Variants in CADPS observed in about 807,000 individuals in gnomAD.
The protein encoded by CADPS is calcium dependent secretion activator.
CADPS carries 57 observed loss-of-function variants against 167.3 expected under a neutral mutation model. The ratio of observed to expected loss-of-function variants is 0.34; its 90% CI spans 0.28 to 0.42. CADPS has a LOEUF of 0.42. Among genes scored for constraint, CADPS ranks in the 20% least tolerant of loss-of-function variants. The pLI is 1.00. For missense variants in CADPS, 1,414 were observed against 1,738.1 expected, an observed-to-expected ratio of 0.81 and a Z score of 3.32; for synonymous variants, 676 against 635.3, an observed-to-expected ratio of 1.06 and a Z score of -0.96.
intron 7 of CADPS, among the ~76,000 whole-genome samples, chr3:62,591,120 T>A (rs897623168): frequency 1.3e-5 from 2 of 152,110 alleles, no homozygotes; most frequent in Non-Finnish European, 2.9e-5. Flanking sequence ...GGCCTCCTAA[T>A]GTGCTGGGGT....
chr3:62,767,017 G>A (rs1040173627), intron 1 of CADPS, among the ~76,000 whole-genome samples: 1 of 152,140 alleles, frequency 6.6e-6, no homozygotes, highest in African/African-American at 2.4e-5. Context: ...AATGAATGGA[G>A]TGTATGCAAG....
intron 17 of CADPS, among the ~76,000 whole-genome samples, chr3:62,505,744 T>C (rs2066563657): frequency 6.6e-6 from 1 of 152,206 alleles, no homozygotes; most frequent in African/African-American, 2.4e-5. Context: ...TGTCGATGCT[T>C]CTACTTGAGC....
intron 1 of CADPS, among the ~76,000 whole-genome samples, chr3:62,868,503 C>T (rs1301921742): frequency 6.6e-6 from 1 of 151,804 alleles, no homozygotes; most frequent in Non-Finnish European, 1.5e-5. Flanking sequence ...AGCCAGAAAT[C>T]CAGATTTTTT....
intron 2 of CADPS, among the ~76,000 whole-genome samples, chr3:62,763,811 C>T (rs963841539): frequency 1.3e-5 from 2 of 152,178 alleles, no homozygotes; most frequent in South Asian, 4.1e-4. Flanking sequence ...ATCATTAATA[C>T]CCCACATCCT....
chr3:62,824,735 G>C (rs952895393), intron 1 of CADPS, among the ~76,000 whole-genome samples: 1 of 152,022 alleles, frequency 6.6e-6, no homozygotes, highest in African/African-American at 2.4e-5. Flanking sequence ...CTTCCATTAC[G>C]AACTGCTGTG....
rs190225453 is a variant in CADPS, at chr3:62,522,429, G to T, written c.2292-4179C>A. Among the ~76,000 whole-genome samples the T allele has an allele frequency of 1.9e-4, 29 of 152,204 alleles. No individual in the cohort carries two copies. The East Asian group carries it at 5.6e-3, about 30-fold the overall frequency. On this transcript the variant is annotated intron_variant, in intron 13 of 29. Transcript: ENST00000383710. ...GCTGGCATTACAGGCATGAGCCACT[G>T]GACCCAGCCTGACACTGGCATTTTT...
rs188410867 is a variant in CADPS at position 62,710,882 on chromosome 3, C to T, written c.888+42559G>A. On this transcript the variant is annotated intron_variant, in intron 3 of 29. Coordinates refer to ENST00000383710, the MANE Select transcript of CADPS (RefSeq NM_003716.4). ...GAGCTTATTATCGCTGCCTCCTCCC[C>T]GTGCTTATCATTTCTTTTAATTCCT... Among the ~76,000 whole-genome samples, 726 of 152,268 alleles carry T rather than the reference C, an allele frequency of 4.8e-3. 6 individuals carry two copies. Among genetic ancestry groups the T allele is most frequent in the African/African-American group, 0.017 (696 of 41,556 alleles).
At chr3:62,736,676 TA>T (rs2079043759) in intron 3 of CADPS, among the ~76,000 whole-genome samples, 1 of 152,218 alleles carries the variant, frequency 6.6e-6, no homozygotes, top group African/African-American at 2.4e-5. Flanking sequence ...TAAAAGAAGT[TA>T]GACTGAATTA....
At chr3:62,819,194 A>G (rs1036057052) in intron 1 of CADPS, among the ~76,000 whole-genome samples, 4 of 152,188 alleles carry the variant, frequency 2.6e-5, no homozygotes, top group Admixed American at 2.6e-4. Context: ...ATTCTTCAAT[A>G]AAGTAAAATT....
At chr3:62,681,555 A>G (rs976135878) in intron 3 of CADPS, among the ~76,000 whole-genome samples, 1 of 152,078 alleles carries the variant, frequency 6.6e-6, no homozygotes, top group Non-Finnish European at 1.5e-5. Flanking sequence ...GTACACATCT[A>G]ATCCTCCTAC....
At position 62,732,986 on chromosome 3, in the gene CADPS, A is replaced by T. The variant is rs10490887; in HGVS notation, c.888+20455T>A. Reference sequence around the variant, plus strand: ...GTGCAAGACTATTTTGACCTACAATAGTCGATGGCTTTTCTCTTATGCTCC... The same window carrying T: ...GTGCAAGACTATTTTGACCTACAATTGTCGATGGCTTTTCTCTTATGCTCC... On this transcript the variant is annotated intron_variant, in intron 3 of 29. Coordinates refer to ENST00000383710, the MANE Select transcript of CADPS (RefSeq NM_003716.4). Among the ~76,000 whole-genome samples, 462 of 152,284 alleles carry T rather than the reference A, an allele frequency of 3.0e-3. 2 individuals carry two copies. Among genetic ancestry groups the T allele is most frequent in the African/African-American group, 0.01 (428 of 41,564 alleles).
chr3:62,438,258 T>C lies in CADPS; in HGVS notation c.3670-47A>G. 1 of 1,376,036 alleles carries C rather than the reference T, an allele frequency of 7.3e-7. No homozygotes were observed. The highest frequency in any genetic ancestry group is 1.0e-6 in the Non-Finnish European group (1 of 964,622). The allele number at this position is 1,376,036 out of a possible 1,614,324, so 85.2% of individuals were successfully genotyped here. A position where few individuals can be genotyped will look rare whatever the true frequency, so the allele number is the denominator to read the frequency against. The stretch of plus-strand genomic sequence containing the variant: ...TGAAAACGAATTTTCAGACAGCCAC[T>C]CTTCCTTGTTTACCATTCACTTGTA... On this transcript the variant is annotated intron_variant, in intron 27 of 29. Transcript: ENST00000383710. This position sits in a 1 kb window ranked among gnomAD's most constrained non-coding sequence, Gnocchi z 4.7.
At chr3:62,559,276 A>G (rs2078726057) in intron 9 of CADPS, among the ~76,000 whole-genome samples, 1 of 152,170 alleles carries the variant, frequency 6.6e-6, no homozygotes, top group African/African-American at 2.4e-5. Flanking sequence ...TCATAAGCAA[A>G]ATCTGCCATA....
chr3:62,862,991 C>G (rs2081078465), intron 1 of CADPS, among the ~76,000 whole-genome samples: 1 of 152,328 alleles, frequency 6.6e-6, no homozygotes, highest in East Asian at 1.9e-4. Context: ...GAGATAATCT[C>G]AGTGGATAGG....
chr3:62,780,067 G>GT lies in CADPS; in HGVS notation c.442-14084dup, dbSNP rs924322321. Among the ~76,000 whole-genome samples, 14 of 151,396 alleles carry GT rather than the reference G, an allele frequency of 9.2e-5. No homozygotes were observed. In the East Asian group the frequency reaches 9.7e-4, roughly 10 times the overall value. ...AGTTTATGGTACTTTATTTCATAGG[G>GT]TTTTTTTTTCTTCCAGGCTGGTCTC... On this transcript the variant is annotated intron_variant, in intron 1 of 29. Transcript: ENST00000383710.
chr3:62,537,212 T>C (rs1054996023), intron 11 of CADPS, among the ~76,000 whole-genome samples: 3 of 152,172 alleles, frequency 2.0e-5, no homozygotes, highest in African/African-American at 7.2e-5. Context: ...GACATTTCCT[T>C]ATAGTGTGCT....
At chr3:62,491,235 T>C in intron 21 of CADPS, 104 bp downstream of exon 21, 1 of 1,229,276 alleles carries the variant, frequency 8.1e-7, no homozygotes, top group Non-Finnish European at 1.2e-6. Flanking sequence ...TTTCTCTCTG[T>C]CCACAATAAC....
chr3:62,759,385 A>G (rs2084803235), intron 2 of CADPS, among the ~76,000 whole-genome samples: 3 of 152,200 alleles, frequency 2.0e-5, no homozygotes, highest in Admixed American at 2.0e-4. Context: ...GCAGCCATGA[A>G]AAAAGATATA....
At chr3:62,560,885 C>T (rs992187034) in intron 9 of CADPS, among the ~76,000 whole-genome samples, 3 of 151,960 alleles carry the variant, frequency 2.0e-5, no homozygotes, top group Admixed American at 1.3e-4. Flanking sequence ...TTGAGACCAG[C>T]CTGGCTAACA....
Sources: allele counts gnomAD v4.1 joint callset (sites outside exome capture counted in the v4.1 genomes callset), GRCh38; gene constraint gnomAD v4.1.1; non-coding constraint Gnocchi (gnomAD v3.1); transcripts MANE v1.5; gene names NCBI Gene and HGNC (gene_info 2026-07-23, HGNC 2026-07-21).